Variants in CNTN3 observed in about 807,000 individuals in gnomAD.
CNTN3 encodes contactin-3.
In CNTN3, 60 loss-of-function variants were observed where a neutral mutation model predicts 119.1. The observed-to-expected ratio is 0.50, with a 90% CI of 0.41 to 0.62. The LOEUF (loss-of-function observed/expected upper bound fraction) is 0.62. CNTN3 is among the 20% of genes least tolerant of loss of function. The probability of loss-of-function intolerance (pLI) is 0.00; values close to 1 mark genes in which losing one functional copy is unlikely to be tolerated. For synonymous variants in CNTN3, 450 were observed against 438.7 expected, an observed-to-expected ratio of 1.03 and a Z score of -0.32; for missense variants, 1,101 against 1,242.4, an observed-to-expected ratio of 0.89 and a Z score of 1.71.
rs2106733358 is a variant in CNTN3, at chr3:74,263,125, C to T, written c.*1276G>A. On this transcript the variant is annotated 3_prime_UTR_variant, in exon 23 of 23. Coordinates refer to ENST00000263665, the MANE Select transcript of CNTN3 (RefSeq NM_020872.3). ...GGAAAGAGGTAAAAAACTGATTTTG[C>T]AATGTTGAAAACTCAATCTGCTGAT... 6.6e-6 allele frequency: 1 copy of T among 152,200 alleles called. No homozygotes were observed. The highest frequency in any genetic ancestry group is 2.1e-4 in the South Asian group (1 of 4,826). The allele number at this position is 152,200 out of a possible 1,614,324, so 9.4% of individuals were successfully genotyped here.
chr3:74,285,788 G>GAGATAGAT (rs1452349238), intron 19 of CNTN3, among the ~76,000 whole-genome samples: 1 of 84,632 alleles, frequency 1.2e-5, no homozygotes, highest in Non-Finnish European at 2.4e-5. Context: ...GAATGAAGGG[G>GAGATAGAT]AGATATATAT....
rs145172163 is a variant in CNTN3 at position 74,358,746 on chromosome 3, G to T, written c.1364+3144C>A. Among the ~76,000 whole-genome samples the T allele has an allele frequency of 6.3e-5, 9 of 142,486 alleles. No homozygotes were observed. In the East Asian group the frequency reaches 2.0e-3, roughly 31 times the overall value. 93.5% of individuals were successfully genotyped at this position (142,486 alleles called of 152,430 possible). A position where few individuals can be genotyped will look rare whatever the true frequency, so the allele number is the denominator to read the frequency against. ...TCTAGCATTAGGTATATCTCCCAAT[G>T]CTATCCCTCCCCCCTCCCCCCACCC... On this transcript the variant is annotated intron_variant, in intron 11 of 22. Transcript: ENST00000263665.
rs1268307768 is a variant in CNTN3, at chr3:74,301,672, G to A, written c.1920C>T (p.Ser640=). 8.1e-6 allele frequency: 13 copies of A among 1,613,884 alleles called. No homozygotes were observed. The highest frequency in any genetic ancestry group is 2.7e-5 in the African/African-American group (2 of 74,902). ...CTGTTGTGACGGTTTGCCAACCCAC[G>A]GAGAAAGGTGTCCGAGCCTGGATAG... The part of the protein sequence containing the change: ...SYSIQARTPF[S]VGWQTVTTVP... The change falls in exon 15 of 23, where the codon TCC becomes TCT. Residue 640 remains serine (S), a synonymous_variant. Transcript: ENST00000263665.
At chr3:74,453,445 T>C (rs2106954734) in intron 4 of CNTN3, among the ~76,000 whole-genome samples, 2 of 152,308 alleles carry the variant, frequency 1.3e-5, no homozygotes, top group Admixed American at 1.3e-4. Flanking sequence ...CTATCAATTT[T>C]GTTATCTTTT....
chr3:74,534,191 A>T (rs1049729770), intron 1 of CNTN3, among the ~76,000 whole-genome samples: 1 of 152,044 alleles, frequency 6.6e-6, no homozygotes, highest in African/African-American at 2.4e-5. Context: ...TGCACTTCTT[A>T]AAACTGACCT....
chr3:74,528,815 A>T (rs1029080807), intron 1 of CNTN3, among the ~76,000 whole-genome samples: 2 of 151,930 alleles, frequency 1.3e-5, no homozygotes, highest in African/African-American at 4.8e-5. Flanking sequence ...GTAAAGGGAA[A>T]GGACTTGACT....
chr3:74,611,868 A>G (rs2106719989), intron 1 of CNTN3, among the ~76,000 whole-genome samples: 1 of 152,314 alleles, frequency 6.6e-6, no homozygotes, highest in South Asian at 2.1e-4. Context: ...TGACAACTAA[A>G]TCAGAGACAG....
chr3:74,342,449 TC>T (rs1703571596), intron 11 of CNTN3, among the ~76,000 whole-genome samples: 3 of 152,154 alleles, frequency 2.0e-5, no homozygotes, highest in African/African-American at 7.2e-5. Context: ...ATGGAGGAGA[TC>T]AGCAGTTAAT....
chr3:74,313,835 C>T (rs1318836523), intron 13 of CNTN3, among the ~76,000 whole-genome samples: 2 of 152,090 alleles, frequency 1.3e-5, no homozygotes, highest in Non-Finnish European at 2.9e-5. Context: ...TCAATCTCTC[C>T]TGGATCTGGG....
intron 2 of CNTN3, among the ~76,000 whole-genome samples, chr3:74,508,944 GAA>G (rs1235032609): frequency 6.6e-6 from 1 of 152,114 alleles, no homozygotes; most frequent in Non-Finnish European, 1.5e-5. Context: ...CTTAAAAATT[GAA>G]AGAGTATCAC....
chr3:74,298,982 C>T (rs189563851), intron 17 of CNTN3, among the ~76,000 whole-genome samples: 2 of 151,912 alleles, frequency 1.3e-5, no homozygotes, highest in Admixed American at 6.6e-5. Flanking sequence ...CAAGGCACCT[C>T]GATCATTTGA....
intron 20 of CNTN3, among the ~76,000 whole-genome samples, chr3:74,283,488 A>C (rs1414266958): frequency 6.6e-6 from 1 of 152,138 alleles, no homozygotes; most frequent in Non-Finnish European, 1.5e-5. Flanking sequence ...ATTTTCATTC[A>C]TTCATTGTAC....
intron 3 of CNTN3, among the ~76,000 whole-genome samples, chr3:74,492,621 G>A (rs1015719947): frequency 6.6e-6 from 1 of 152,096 alleles, no homozygotes; most frequent in African/African-American, 2.4e-5. Context: ...TTTCAAAACT[G>A]GTAGTTATTA....
intron 4 of CNTN3, among the ~76,000 whole-genome samples, chr3:74,473,292 A>C (rs1014115656): frequency 7.9e-5 from 12 of 152,102 alleles, no homozygotes; most frequent in Non-Finnish European, 1.3e-4. Context: ...GTAATCTAAT[A>C]AAATCCTTTT....
chr3:74,365,077 G>T (rs1413828595), intron 9 of CNTN3, among the ~76,000 whole-genome samples: 1 of 152,012 alleles, frequency 6.6e-6, no homozygotes, highest in Non-Finnish European at 1.5e-5. Flanking sequence ...GAAAGGTTAG[G>T]TATGGAAACT....
intron 1 of CNTN3, among the ~76,000 whole-genome samples, chr3:74,593,042 T>C (rs1280132594): frequency 6.6e-6 from 1 of 151,980 alleles, no homozygotes; most frequent in Non-Finnish European, 1.5e-5. Context: ...TTCTAATTTA[T>C]ATATTATGGG....
chr3:74,596,271 T>C lies in CNTN3; in HGVS notation c.-81+18120A>G, dbSNP rs538821085. Among the ~76,000 whole-genome samples the C allele has an allele frequency of 5.1e-4, 77 of 152,188 alleles. 1 individual carries two copies. In the South Asian group the frequency reaches 0.015, roughly 30 times the overall value. ...AAGTGGCCATACTACCCAAGGTAATTTATAGATTCAACGCCATCCCCATCA... is the reference window on the plus strand; with the variant it reads ...AAGTGGCCATACTACCCAAGGTAATCTATAGATTCAACGCCATCCCCATCA... On this transcript the variant is annotated intron_variant, in intron 1 of 22. Transcript: ENST00000263665.
chr3:74,298,029 T>C lies in CNTN3; in HGVS notation c.2329A>G (p.Lys777Glu), dbSNP rs772710186. 1 of 1,614,152 alleles carries C rather than the reference T, an allele frequency of 6.2e-7. No homozygotes were observed. The highest frequency in any genetic ancestry group is 1.1e-5 in the South Asian group (1 of 91,088). Reference sequence around the variant, plus strand: ...CCTTTGTTATTATAAACACCCACTTTAACTTCATATGGTGAATATGGCACG... The same window carrying C: ...CCTTTGTTATTATAAACACCCACTTCAACTTCATATGGTGAATATGGCACG... ...SIVPYSPYEV[K>E]VGVYNNKGEG... is the part of the protein sequence containing the mutation. Residue 777 changes from lysine to glutamate, a missense_variant, in exon 18 of 23, where the codon AAA becomes GAA. Transcript: ENST00000263665.
At chr3:74,324,485 G>C (rs945620496) in intron 13 of CNTN3, among the ~76,000 whole-genome samples, 2 of 152,130 alleles carry the variant, frequency 1.3e-5, no homozygotes, top group Admixed American at 1.3e-4. Context: ...CTCGGCCAAA[G>C]GCAACTCTTC....
Sources: gnomAD v4.1 joint callset for allele counts (sites outside exome capture counted in the v4.1 genomes callset) on GRCh38, gnomAD v4.1.1 for gene constraint, MANE v1.5 for transcripts, NCBI Gene and HGNC (gene_info 2026-07-23, HGNC 2026-07-21) for gene names.